The following TARP variants were observed in gnomAD, a reference collection of about 807,000 sequenced individuals.
the TARP span, chr7:38,269,666 G>A: frequency 1.8e-6 from 1 of 550,778 alleles, no homozygotes; most frequent in East Asian, 2.9e-5. Flanking sequence ...AACAAGTTCT[G>A]TTGCTCCACA....
the TARP span, chr7:38,265,566 G>A: frequency 1.1e-5 from 17 of 1,612,080 alleles, no homozygotes; most frequent in Non-Finnish European, 1.4e-5. Flanking sequence ...TAACATCAGG[G>A]AAAAATTTCT....
chr7:38,269,166 C>T, the TARP span, among the ~76,000 whole-genome samples: 3 of 151,696 alleles, frequency 2.0e-5, no homozygotes, highest in East Asian at 5.8e-4. Context: ...TATGTGTCCA[C>T]TCTGTAGAGT....
chr7:38,272,027 G>C, the TARP span, among the ~76,000 whole-genome samples: 1 of 151,032 alleles, frequency 6.6e-6, no homozygotes, highest in Non-Finnish European at 1.5e-5. Flanking sequence ...ATTTTCTCTT[G>C]AAAATGAAAA....
chr7:38,268,796 A>G, the TARP span, among the ~76,000 whole-genome samples: 5 of 151,736 alleles, frequency 3.3e-5, no homozygotes, highest in East Asian at 9.6e-4. Context: ...GAGCAGTTAG[A>G]AGTACAGCTG....
the TARP span, among the ~76,000 whole-genome samples, chr7:38,264,584 T>C: frequency 6.9e-6 from 1 of 145,788 alleles, no homozygotes; most frequent in African/African-American, 2.5e-5. Flanking sequence ...AGAGTGAAAC[T>C]CTGTCAAAAA....
the TARP span, chr7:38,273,514 A>T: frequency 8.2e-7 from 1 of 1,222,238 alleles, no homozygotes; most frequent in Non-Finnish European, 1.2e-6. Context: ...AGGGAATCCT[A>T]GAATTCTGAG....
chr7:38,273,221 C>T, the TARP span, among the ~76,000 whole-genome samples: 2 of 142,052 alleles, frequency 1.4e-5, no homozygotes, highest in South Asian at 4.5e-4. Context: ...TTTTGGTGAC[C>T]AAATAAGGAG....
chr7:38,267,072 T>C, the TARP span, among the ~76,000 whole-genome samples: 1 of 151,846 alleles, frequency 6.6e-6, no homozygotes, highest in Non-Finnish European at 1.5e-5. Flanking sequence ...ATTTACCCCA[T>C]TAATGAGAAG....
At chr7:38,272,905 C>T in the TARP span, among the ~76,000 whole-genome samples, 2 of 151,114 alleles carry the variant, frequency 1.3e-5, no homozygotes, top group Non-Finnish European at 2.9e-5. Flanking sequence ...AAGATCTCAA[C>T]CACTAAGGAA....
chr7:38,260,683 A>T, the TARP span, among the ~76,000 whole-genome samples: 1 of 151,916 alleles, frequency 6.6e-6, no homozygotes, highest in African/African-American at 2.4e-5. Flanking sequence ...GTGCCTACTC[A>T]ATGAGCTACA....
chr7:38,268,687 A>G, the TARP span, among the ~76,000 whole-genome samples: 1 of 151,732 alleles, frequency 6.6e-6, no homozygotes, highest in Non-Finnish European at 1.5e-5. Flanking sequence ...ACATCTTAAT[A>G]CAATGTTTTT....
At chr7:38,272,772 T>G in the TARP span, among the ~76,000 whole-genome samples, 1 of 150,682 alleles carries the variant, frequency 6.6e-6, no homozygotes, top group African/African-American at 2.4e-5. Context: ...CACCGCACTT[T>G]CCTGAAAAAT....
the TARP span, among the ~76,000 whole-genome samples, chr7:38,265,033 C>T: frequency 2.0e-5 from 3 of 151,256 alleles, no homozygotes; most frequent in South Asian, 6.3e-4. Flanking sequence ...GCGTTTACCA[C>T]GTGTCACGTT....
At chr7:38,271,576 G>A in the TARP span, among the ~76,000 whole-genome samples, 149 of 151,272 alleles carry the variant, frequency 9.8e-4, no homozygotes, top group African/African-American at 3.4e-3. Flanking sequence ...AATTTATCAC[G>A]GATTTGGTCA....
At chr7:38,261,855 G>A in the TARP span, among the ~76,000 whole-genome samples, 1 of 129,048 alleles carries the variant, frequency 7.7e-6, no homozygotes, top group Non-Finnish European at 1.6e-5. Flanking sequence ...CTGGGTGACA[G>A]AGCAAGACTC....
the TARP span, among the ~76,000 whole-genome samples, chr7:38,261,397 C>T: frequency 1.3e-5 from 2 of 151,358 alleles, no homozygotes; most frequent in Non-Finnish European, 2.9e-5. Flanking sequence ...AAAATATGTA[C>T]CATTTTATAG....
the TARP span, among the ~76,000 whole-genome samples, chr7:38,265,932 A>T: frequency 7.3e-5 from 11 of 151,330 alleles, no homozygotes; most frequent in Non-Finnish European, 2.9e-5. Context: ...CTGGACGAAA[A>T]CCTGGCCTTT....
chr7:38,261,482 A>C, the TARP span, among the ~76,000 whole-genome samples: 1 of 151,644 alleles, frequency 6.6e-6, no homozygotes, highest in African/African-American at 2.4e-5. Flanking sequence ...CTTGATAAAC[A>C]CTAGTTCGTG....
chr7:38,265,493 T>C, the TARP span: 26 of 1,612,140 alleles, frequency 1.6e-5, no homozygotes, highest in Admixed American at 3.3e-5. Context: ...TTAGTCTTCA[T>C]GGTGTTCCCC....
Sources: gnomAD v4.1 joint callset for allele counts (sites outside exome capture counted in the v4.1 genomes callset) on GRCh38, gnomAD v4.1.1 for gene constraint, MANE v1.5 for transcripts.